Variants in KDM4A observed in about 807,000 individuals in gnomAD.
KDM4A encodes the protein lysine demethylase 4A, also known as lysine-specific demethylase 4A.
KDM4A carries 23 observed loss-of-function variants against 127.1 expected under a neutral mutation model. The observed-to-expected ratio is 0.18, with a 90% CI of 0.13 to 0.26. KDM4A has a LOEUF of 0.26. Among genes scored for constraint, KDM4A ranks in the 10% least tolerant of loss-of-function variants. KDM4A has a pLI of 1.00. For synonymous variants in KDM4A, 443 were observed against 466.5 expected (o/e 0.95, Z 0.65); for missense variants, 890 against 1,329.1 (o/e 0.67, Z 5.14).
At chr1:43,679,278 C>T (rs1036116212) in intron 11 of KDM4A, among the ~76,000 whole-genome samples, 9 of 151,998 alleles carry the variant, frequency 5.9e-5, no homozygotes, top group Non-Finnish European at 1.3e-4. Context: ...GTTACCAGCA[C>T]GGTCCAGAGG....
At chr1:43,703,881 C>G in intron 20 of KDM4A, 139 bp from the exon 21 acceptor site, 1 of 1,329,842 alleles carries the variant, frequency 7.5e-7, no homozygotes, top group Non-Finnish European at 1.1e-6. Flanking sequence ...TGTTTCCAGT[C>G]TGCCAAATGT....
chr1:43,657,183 C>T lies in KDM4A; in HGVS notation c.314+1417C>T, dbSNP rs148713086. Among the ~76,000 whole-genome samples the T allele has an allele frequency of 8.3e-3, 1,270 of 152,160 alleles. 10 individuals carry two copies. The highest frequency in any genetic ancestry group is 0.013 in the Non-Finnish European group (907 of 67,984). On this transcript the variant is annotated intron_variant, in intron 3 of 21. Transcript: ENST00000372396. ...GATTATAGGCATGAGCCACTGCATC[C>T]GGCTGACACCTTAACTCCTTTTATT...
intron 15 of KDM4A, 22 bp downstream of exon 15, chr1:43,691,594 C>G (rs1661112530): frequency 6.3e-7 from 1 of 1,596,770 alleles, no homozygotes; most frequent in South Asian, 1.1e-5. Flanking sequence ...CACACTGTTA[C>G]TGTCTTCACC....
intron 13 of KDM4A, among the ~76,000 whole-genome samples, chr1:43,689,755 G>T (rs1661066694): frequency 6.6e-6 from 1 of 152,212 alleles, no homozygotes; most frequent in Admixed American, 6.5e-5. Context: ...AGCATAGCAG[G>T]TAGGTAAGTG....
chr1:43,703,989 C>A, intron 20 of KDM4A, 31 bp from the exon 21 acceptor site: 1 of 1,589,792 alleles, frequency 6.3e-7, no homozygotes, highest in Non-Finnish European at 8.6e-7. Context: ...TCAGGGATAT[C>A]CTAGCCAAAA....
chr1:43,677,323 C>T (rs987169719), intron 11 of KDM4A, among the ~76,000 whole-genome samples: 2 of 118,648 alleles, frequency 1.7e-5, no homozygotes, highest in Non-Finnish European at 3.3e-5. Context: ...CCAGCCTGGG[C>T]AACAGAGTGA....
chr1:43,692,788 A>G (rs1661148240), intron 16 of KDM4A, among the ~76,000 whole-genome samples: 1 of 152,074 alleles, frequency 6.6e-6, no homozygotes, highest in Non-Finnish European at 1.5e-5. Flanking sequence ...CCCACCCACT[A>G]TGGAACCGAA....
intron 4 of KDM4A, among the ~76,000 whole-genome samples, chr1:43,661,183 C>T (rs983325274): frequency 6.6e-6 from 1 of 151,926 alleles, no homozygotes; most frequent in African/African-American, 2.4e-5. Flanking sequence ...CCATGTTGCT[C>T]AGGCTGGTTT....
At chr1:43,676,088 T>TG (rs1373266713) in intron 11 of KDM4A, among the ~76,000 whole-genome samples, 1 of 91,212 alleles carries the variant, frequency 1.1e-5, no homozygotes, top group African/African-American at 4.5e-5. Flanking sequence ...CTCAAAAAGA[T>TG]AAAAAAAAAA....
chr1:43,676,088 TAAAAAA>T (rs533210766), intron 11 of KDM4A, among the ~76,000 whole-genome samples: 2 of 91,212 alleles, frequency 2.2e-5, no homozygotes, highest in Admixed American at 1.2e-4. Flanking sequence ...CTCAAAAAGA[TAAAAAA>T]AAAAAAAAAA....
Position 43,693,845 on chromosome 1 carries a change from T to C in KDM4A, c.2376-149T>C, listed in dbSNP as rs1661177507. On this transcript the variant is annotated intron_variant, in intron 16 of 21. Transcript: ENST00000372396. This position sits in a 1 kb window ranked among gnomAD's most constrained non-coding sequence, Gnocchi z 4.2. ...CACATACTCAGAGGAGAGACGGTTC[T>C]GGTTCTCACCTTCCTGGGTCCCAGG... The C allele has an allele frequency of 1.6e-6, 1 of 637,558 alleles. No homozygotes were observed. The highest frequency in any genetic ancestry group is 2.8e-5 in the Admixed American group (1 of 36,210). 39.5% of individuals were successfully genotyped at this position (637,558 alleles called of 1,614,324 possible).
chr1:43,697,875 A>G lies in KDM4A; in HGVS notation c.2703A>G (p.Ala901=). The change falls in exon 19 of 22, where the codon GCA becomes GCG. Residue 901 remains alanine, a synonymous_variant. Coordinates refer to ENST00000372396, the MANE Select transcript of KDM4A (RefSeq NM_014663.3). ...AGGGGGCCTTGCAAAGCATCACTGC[A>G]GGCCAGAAAGTCATTAGCAAGCATA... ...RAKGALQSIT[A]GQKVISKHKN... 6.2e-7 allele frequency: 1 copy of G among 1,613,726 alleles called. No individual in the cohort carries two copies.
At chr1:43,683,384 G>C (rs1017279183) in intron 11 of KDM4A, among the ~76,000 whole-genome samples, 2 of 152,146 alleles carry the variant, frequency 1.3e-5, no homozygotes, top group East Asian at 3.9e-4. Flanking sequence ...TTAAGGGACC[G>C]GGCAAGCCTC....
At chr1:43,662,861 G>A (rs1660415927) in intron 4 of KDM4A, 33 bp from the exon 5 acceptor site, 2 of 1,560,606 alleles carry the variant, frequency 1.3e-6, no homozygotes, top group African/African-American at 2.7e-5. Context: ...CTATGCAAAT[G>A]TAACTTGCCC....
In KDM4A at chr1:43,705,025, C is replaced by A. The variant is rs1373251442; in HGVS notation, c.*655C>A. The A allele has an allele frequency of 6.5e-6, 1 of 152,872 alleles. No homozygotes were observed. Among genetic ancestry groups the A allele is most frequent in the Non-Finnish European group, 1.5e-5 (1 of 68,282 alleles). 9.5% of individuals were successfully genotyped at this position (152,872 alleles called of 1,614,324 possible). Reference sequence around the variant, plus strand: ...AGATGCTAAGGAGCTGATGCCACCTCTTTGTCTTCCCCTAAAGGAGAACAT... The same window carrying A: ...AGATGCTAAGGAGCTGATGCCACCTATTTGTCTTCCCCTAAAGGAGAACAT... On this transcript the variant is annotated 3_prime_UTR_variant, in exon 22 of 22. Coordinates refer to ENST00000372396, the MANE Select transcript of KDM4A (RefSeq NM_014663.3).
chr1:43,690,747 G>C lies in KDM4A; in HGVS notation c.2038-98G>C, dbSNP rs1321675982. Reference sequence around the variant, plus strand: ...CACCCGGGAGCTGTAGCCATAGTCAGATCGGTAAGAGAGCCAGCTTTCTGC... The same window carrying C: ...CACCCGGGAGCTGTAGCCATAGTCACATCGGTAAGAGAGCCAGCTTTCTGC... On this transcript the variant is annotated intron_variant, in intron 13 of 21. Transcript: ENST00000372396. 2.0e-5 allele frequency: 22 copies of C among 1,126,696 alleles called. No homozygotes were observed. In the Admixed American group the frequency reaches 3.7e-4, roughly 19 times the overall value. The allele number at this position is 1,126,696 out of a possible 1,614,324, so 69.8% of individuals were successfully genotyped here. A position where few individuals can be genotyped will look rare whatever the true frequency, so the allele number is the denominator to read the frequency against.
Position 43,697,838 on chromosome 1 carries a change from T to C in KDM4A, c.2671-5T>C, listed in dbSNP as rs1570877150. On this transcript the variant is annotated splice_polypyrimidine_tract_variant and splice_region_variant and intron_variant, in intron 18 of 21. Coordinates refer to ENST00000372396, the MANE Select transcript of KDM4A (RefSeq NM_014663.3). ...TGAGTAACCAAAGCCTCTGTTTTTT[T>C]CCAGCGTGCCAAGGGGGCCTTGCAA... 2 of 1,610,678 alleles carry C rather than the reference T, an allele frequency of 1.2e-6. No individual in the cohort carries two copies. The highest frequency in any genetic ancestry group is 1.7e-6 in the Non-Finnish European group (2 of 1,178,682).
chr1:43,682,870 C>A (rs1182162678), intron 11 of KDM4A, among the ~76,000 whole-genome samples: 1 of 152,178 alleles, frequency 6.6e-6, no homozygotes, highest in East Asian at 1.9e-4. Flanking sequence ...CTCTTTCAGG[C>A]CTCATTTCCT....
At chr1:43,686,148 C>CTTTTTTTTTTTTT (rs1422242136) in intron 12 of KDM4A, among the ~76,000 whole-genome samples, 1 of 106,434 alleles carries the variant, frequency 9.4e-6, no homozygotes, top group Non-Finnish European at 2.0e-5. Context: ...TTTTTTGTTT[C>CTTTTTTTTTTTTT]TTGTTTTTTT....
Sources: allele counts gnomAD v4.1 joint callset (sites outside exome capture counted in the v4.1 genomes callset), GRCh38; gene constraint gnomAD v4.1.1; non-coding constraint Gnocchi (gnomAD v3.1); transcripts MANE v1.5; gene names NCBI Gene and HGNC (gene_info 2026-07-23, HGNC 2026-07-21).